Variants in FSIP1 observed in about 807,000 individuals in gnomAD.
The protein encoded by FSIP1 is fibrous sheath interacting protein 1.
FSIP1 carries 65 observed loss-of-function variants against 60.9 expected under a neutral mutation model. The observed-to-expected ratio is 1.07, with a 90% confidence interval of 0.87 to 1.31. FSIP1 has a LOEUF of 1.31. FSIP1 is among the 40% of genes most tolerant of loss of function. FSIP1 has a pLI of 0.00. For synonymous variants in FSIP1, 209 were observed against 221.2 expected (o/e 0.94, Z 0.49); for missense variants, 675 against 665.5 (o/e 1.01, Z -0.16).
chr15:39,744,791 AC>A (rs1896936692), intron 5 of FSIP1, among the ~76,000 whole-genome samples: 1 of 150,896 alleles, frequency 6.6e-6, no homozygotes, highest in African/African-American at 2.4e-5. Flanking sequence ...ACACACACAC[AC>A]ACACACACAC....
Position 39,600,939 on chromosome 15 carries a change from A to T in FSIP1, c.1700-13T>A, listed in dbSNP as rs1890617361. On this transcript the variant is annotated splice_polypyrimidine_tract_variant and intron_variant, in intron 11 of 11. Transcript: ENST00000350221. Reference sequence around the variant, plus strand: ...GTCTCCTGCTCATCTGCACATAAAAACAATAACCACAGTTATTAGAGATTC... The same window carrying T: ...GTCTCCTGCTCATCTGCACATAAAATCAATAACCACAGTTATTAGAGATTC... 6.3e-7 allele frequency: 1 copy of T among 1,598,710 alleles called. No individual in the cohort carries two copies. Among genetic ancestry groups the T allele is most frequent in the Non-Finnish European group, 8.5e-7 (1 of 1,172,240 alleles).
chr15:39,774,747 A>G (rs1323065269), intron 2 of FSIP1, among the ~76,000 whole-genome samples: 1 of 152,260 alleles, frequency 6.6e-6, no homozygotes, highest in Non-Finnish European at 1.5e-5. Context: ...AGGTAGAAGC[A>G]TCGTCCTAAG....
rs191503415 is a variant in FSIP1, at chr15:39,700,205, T to C, written c.1188+13239A>G. Among the ~76,000 whole-genome samples the C allele has an allele frequency of 3.5e-3, 533 of 152,354 alleles. 3 individuals carry two copies. The highest frequency in any genetic ancestry group is 0.012 in the African/African-American group (509 of 41,588). On this transcript the variant is annotated intron_variant, in intron 10 of 11. Coordinates refer to ENST00000350221, the MANE Select transcript of FSIP1 (RefSeq NM_152597.5). Reference sequence around the variant, plus strand: ...CCTTTTCCACAAAGTGTCTTCTTTCTGTAACACCCACCCCCATCTATACCA... The same window carrying C: ...CCTTTTCCACAAAGTGTCTTCTTTCCGTAACACCCACCCCCATCTATACCA...
intron 10 of FSIP1, among the ~76,000 whole-genome samples, chr15:39,667,709 G>A (rs1211698743): frequency 6.6e-6 from 1 of 152,118 alleles, no homozygotes; most frequent in Non-Finnish European, 1.5e-5. Context: ...CAGGGATCAG[G>A]GAAAGCTTTC....
rs35710055 is a variant in FSIP1 at position 39,705,997 on chromosome 15, C to CA, written c.1188+7446dup. On this transcript the variant is annotated intron_variant, in intron 10 of 11. Coordinates refer to ENST00000350221, the MANE Select transcript of FSIP1 (RefSeq NM_152597.5). ...TAGGCAACAGAGTGAGACTCGGTCT[C>CA]AAAAAAAAAAAAAAAAAAAATCTTC... 6.8e-3 allele frequency among the ~76,000 whole-genome samples: 787 copies of CA among 115,352 alleles called. 10 individuals carry two copies. Among genetic ancestry groups the CA allele is most frequent in the African/African-American group, 0.021 (701 of 32,724 alleles). The allele number at this position is 115,352 out of a possible 152,430, so 75.7% of individuals were successfully genotyped here.
intron 5 of FSIP1, among the ~76,000 whole-genome samples, chr15:39,749,807 C>T (rs1028238454): frequency 6.6e-6 from 1 of 151,800 alleles, no homozygotes; most frequent in Admixed American, 6.6e-5. Flanking sequence ...GAAGGACCAG[C>T]AAGAGCAATC....
chr15:39,733,229 C>T (rs1339353511), intron 8 of FSIP1, among the ~76,000 whole-genome samples: 6 of 152,174 alleles, frequency 3.9e-5, no homozygotes, highest in African/African-American at 1.4e-4. Context: ...TGGGGTTTCG[C>T]CATATTGGCC....
At chr15:39,657,329 A>T (rs1399660101) in intron 10 of FSIP1, among the ~76,000 whole-genome samples, 1 of 152,150 alleles carries the variant, frequency 6.6e-6, no homozygotes, top group Non-Finnish European at 1.5e-5. Context: ...TCAAAGAAAA[A>T]ATCAGGGACA....
chr15:39,632,877 T>C (rs1891959794), intron 10 of FSIP1, among the ~76,000 whole-genome samples: 1 of 152,178 alleles, frequency 6.6e-6, no homozygotes, highest in East Asian at 1.9e-4. Flanking sequence ...TTCAAATTAA[T>C]GTTTTAACTT....
At position 39,656,057 on chromosome 15, in the gene FSIP1, A is replaced by G. The variant is rs537069314; in HGVS notation, c.1189-37812T>C. Among the ~76,000 whole-genome samples the G allele has an allele frequency of 4.5e-4, 69 of 152,262 alleles. No individual in the cohort carries two copies. In the South Asian group the frequency reaches 0.011, roughly 25 times the overall value. On this transcript the variant is annotated intron_variant, in intron 10 of 11. Transcript: ENST00000350221. ...TTCAAAGGGCTCTGAATGCCAGATG[A>G]AAACATCTGTACACAGAGAGGGGAA... is the stretch of plus-strand genomic sequence containing the variant.
At chr15:39,727,707 G>C (rs149700138) in intron 8 of FSIP1, among the ~76,000 whole-genome samples, 43 of 152,124 alleles carry the variant, frequency 2.8e-4, no homozygotes, top group African/African-American at 9.9e-4. Context: ...AAAGATCAAG[G>C]ATAAAGAATA....
intron 2 of FSIP1, 33 bp from the exon 3 acceptor site, chr15:39,770,643 G>A (rs754743617): frequency 6.4e-5 from 85 of 1,333,182 alleles, no homozygotes; most frequent in Middle Eastern, 5.7e-4. Flanking sequence ...AACAGTTTCC[G>A]AAAATACTGT....
At chr15:39,664,048 G>A (rs191984125) in intron 10 of FSIP1, among the ~76,000 whole-genome samples, 38 of 152,244 alleles carry the variant, frequency 2.5e-4, no homozygotes, top group Admixed American at 1.7e-3. Flanking sequence ...AGTACATCCC[G>A]CAGCATAACC....
chr15:39,614,068 T>C (rs1676223878), intron 11 of FSIP1, among the ~76,000 whole-genome samples: 1 of 152,058 alleles, frequency 6.6e-6, no homozygotes, highest in Non-Finnish European at 1.5e-5. Flanking sequence ...TAGTACTTAA[T>C]GTCCTGGCCA....
intron 11 of FSIP1, among the ~76,000 whole-genome samples, chr15:39,612,421 A>T (rs1260080186): frequency 6.6e-6 from 1 of 152,204 alleles, no homozygotes; most frequent in Non-Finnish European, 1.5e-5. Flanking sequence ...GGGGGAAAAA[A>T]GGAAATCAAA....
intron 5 of FSIP1, 101 bp from the exon 6 acceptor site, chr15:39,742,001 G>A: frequency 1.5e-6 from 1 of 652,290 alleles, no homozygotes; most frequent in South Asian, 1.8e-5. Flanking sequence ...TCTCTCCAGT[G>A]TTCCTCAGTC....
downstream of FSIP1, chr15:39,599,011 T>C (rs1890548064): frequency 6.6e-6 from 1 of 152,108 alleles, no homozygotes; most frequent in Non-Finnish European, 1.5e-5. Flanking sequence ...AACCTCTGCC[T>C]CCCCGGTTCA....
chr15:39,775,766 C>T (rs187428872), intron 2 of FSIP1, among the ~76,000 whole-genome samples: 20 of 152,256 alleles, frequency 1.3e-4, no homozygotes, highest in East Asian at 3.9e-4. Flanking sequence ...CTTCACCTTC[C>T]GCCATGATTC....
intron 5 of FSIP1, among the ~76,000 whole-genome samples, chr15:39,752,376 G>A (rs1249586459): frequency 6.6e-6 from 1 of 151,984 alleles, no homozygotes; most frequent in Non-Finnish European, 1.5e-5. Flanking sequence ...TTTCCAAAGA[G>A]TAGAGTGTGG....
Sources: gnomAD v4.1 joint callset for allele counts (sites outside exome capture counted in the v4.1 genomes callset) on GRCh38, gnomAD v4.1.1 for gene constraint, MANE v1.5 for transcripts, NCBI Gene and HGNC (gene_info 2026-07-23, HGNC 2026-07-21) for gene names.